The following FAM13A variants were observed in gnomAD, a reference collection of about 807,000 sequenced individuals.
The protein encoded by FAM13A is protein FAM13A.
Under a neutral mutation model 129.6 loss-of-function variants are expected in FAM13A, and 76 were observed. The observed-to-expected ratio is 0.59, with a 90% CI of 0.49 to 0.71. The LOEUF (loss-of-function observed/expected upper bound fraction) is 0.71, where lower values mean the gene tolerates loss of function less well. Ranked by LOEUF, FAM13A falls within the 30% of genes least tolerant of loss-of-function variation. FAM13A has a pLI of 0.00. For missense variants in FAM13A, 1,108 were observed against 1,249.3 expected (o/e 0.89, Z 1.70); for synonymous variants, 443 against 449.9 (o/e 0.98, Z 0.20).
chr4:88,863,670 T>C (rs1232280933), intron 6 of FAM13A, among the ~76,000 whole-genome samples: 1 of 152,222 alleles, frequency 6.6e-6, no homozygotes, highest in South Asian at 2.1e-4. Context: ...AAAACTGAGT[T>C]AAATTGTCAG....
chr4:89,005,767 T>C (rs964045064), intron 3 of FAM13A, among the ~76,000 whole-genome samples: 14 of 151,186 alleles, frequency 9.3e-5, no homozygotes, highest in African/African-American at 2.4e-4. Flanking sequence ...GGGTTGTTTT[T>C]CTTTCCTAAA....
intron 23 of FAM13A, among the ~76,000 whole-genome samples, chr4:88,731,093 A>G (rs554267346): frequency 6.6e-6 from 1 of 152,336 alleles, no homozygotes; most frequent in Non-Finnish European, 1.5e-5. Flanking sequence ...CTGAATCTGC[A>G]TTAGTCTTGG....
chr4:88,816,087 ATC>A (rs1561070008), intron 7 of FAM13A, among the ~76,000 whole-genome samples: 2 of 152,122 alleles, frequency 1.3e-5, no homozygotes, highest in Non-Finnish European at 2.9e-5. Context: ...ATAGTCTTTT[ATC>A]CTCTCTATCA....
intron 3 of FAM13A, among the ~76,000 whole-genome samples, chr4:88,996,342 A>G (rs1022310504): frequency 1.3e-5 from 2 of 152,214 alleles, no homozygotes; most frequent in African/African-American, 2.4e-5. Flanking sequence ...GAAAGCAGCA[A>G]GATTACTTAA....
chr4:88,945,944 T>C (rs942512881), intron 4 of FAM13A, among the ~76,000 whole-genome samples: 1 of 134,996 alleles, frequency 7.4e-6, no homozygotes, highest in Admixed American at 7.7e-5. Context: ...ATGCATAGTA[T>C]ATTTATACAC....
intron 9 of FAM13A, 86 bp downstream of exon 9, chr4:88,790,500 G>A (rs1019136516): frequency 3.6e-6 from 4 of 1,119,874 alleles, no homozygotes; most frequent in African/African-American, 3.2e-5. Context: ...CACCATTAGA[G>A]TTGCTTTTTT....
intron 7 of FAM13A, among the ~76,000 whole-genome samples, chr4:88,840,719 T>A (rs1735668418): frequency 1.3e-5 from 2 of 152,254 alleles, no homozygotes; most frequent in African/African-American, 4.8e-5. Context: ...TGGACTGTGC[T>A]ATTATATTTT....
chr4:88,858,051 G>T (rs983181322), intron 6 of FAM13A, among the ~76,000 whole-genome samples: 1 of 151,898 alleles, frequency 6.6e-6, no homozygotes, highest in South Asian at 2.1e-4. Flanking sequence ...AAATAGTTAC[G>T]GTACAGAGAT....
rs564445126 is a variant in FAM13A at position 88,859,986 on chromosome 4, G to C, written c.844-8803C>G. ...TATTTTCCTTATAAAAACAAATTCA[G>C]TAATTCCTTTGTTGCTTCTTTCCCC... On this transcript the variant is annotated intron_variant, in intron 6 of 23. Transcript: ENST00000264344. Among the ~76,000 whole-genome samples the C allele has an allele frequency of 5.9e-5, 9 of 152,136 alleles. No individual in the cohort carries two copies. In the South Asian group the frequency reaches 1.9e-3, roughly 31 times the overall value.
At chr4:88,880,314 A>G (rs1743302920) in intron 6 of FAM13A, among the ~76,000 whole-genome samples, 1 of 152,116 alleles carries the variant, frequency 6.6e-6, no homozygotes, top group Admixed American at 6.6e-5. Context: ...ACACACCCTC[A>G]CTGGGAAACC....
At position 88,902,626 on chromosome 4, in the gene FAM13A, T is replaced by C. The variant is rs562657391; in HGVS notation, c.843+3753A>G. Among the ~76,000 whole-genome samples the C allele has an allele frequency of 6.7e-4, 102 of 152,288 alleles. 1 individual carries two copies. Among genetic ancestry groups the C allele is most frequent in the Non-Finnish European group, 9.7e-4 (66 of 68,016 alleles). On this transcript the variant is annotated intron_variant, in intron 6 of 23. Transcript: ENST00000264344. Reference sequence around the variant, plus strand: ...ATGTACCTCAAAATAATAAGAGCCATATATGACAAACCCACAGCCAGTATC... The same window carrying C: ...ATGTACCTCAAAATAATAAGAGCCACATATGACAAACCCACAGCCAGTATC...
chr4:88,781,839 GT>G lies in FAM13A; in HGVS notation c.1272-489del, dbSNP rs1553974005. 4.0e-5 allele frequency among the ~76,000 whole-genome samples: 6 copies of G among 149,722 alleles called. 1 individual carries two copies. Among genetic ancestry groups the G allele is most frequent in the Non-Finnish European group, 8.9e-5 (6 of 67,176 alleles). On this transcript the variant is annotated intron_variant, in intron 10 of 23. Coordinates refer to ENST00000264344, the MANE Select transcript of FAM13A (RefSeq NM_014883.4). ...GGAACATCACAGTCCGGAGACTGTT[GT>G]GGGGTGGGGGGAGCGGGGAGGGATA...
At chr4:88,859,477 A>G (rs1345511491) in intron 6 of FAM13A, among the ~76,000 whole-genome samples, 1 of 152,146 alleles carries the variant, frequency 6.6e-6, no homozygotes, top group African/African-American at 2.4e-5. Context: ...TGAGTGTGGG[A>G]GCAGGTGGAT....
chr4:88,956,266 G>A (rs1757741144), intron 4 of FAM13A, among the ~76,000 whole-genome samples: 1 of 152,090 alleles, frequency 6.6e-6, no homozygotes, highest in Non-Finnish European at 1.5e-5. Context: ...CTGTACTTTT[G>A]TTAGTTTAGA....
chr4:88,908,248 A>C (rs754404238), intron 5 of FAM13A, among the ~76,000 whole-genome samples: 1 of 152,220 alleles, frequency 6.6e-6, no homozygotes, highest in Non-Finnish European at 1.5e-5. Context: ...CTTCTGACTC[A>C]CTGTGAGAGG....
chr4:88,905,887 C>G (rs922462138), intron 6 of FAM13A, among the ~76,000 whole-genome samples: 1 of 152,188 alleles, frequency 6.6e-6, no homozygotes, highest in African/African-American at 2.4e-5. Context: ...CCACCAGATC[C>G]TCCCGCAACA....
chr4:88,966,609 T>C (rs1302198389), intron 4 of FAM13A, among the ~76,000 whole-genome samples: 1 of 152,196 alleles, frequency 6.6e-6, no homozygotes, highest in Non-Finnish European at 1.5e-5. Context: ...AAGTCTAGGA[T>C]GTAGGTTCAA....
At chr4:88,740,364 A>T (rs113707388) in intron 19 of FAM13A, among the ~76,000 whole-genome samples, 3,238 of 152,316 alleles carry the variant, frequency 0.021, 103 homozygotes, top group African/African-American at 0.074. Context: ...CCTTGAGAGC[A>T]GGAGTTTATA....
At chr4:88,923,403 C>T (rs908273774) in intron 5 of FAM13A, among the ~76,000 whole-genome samples, 2 of 152,088 alleles carry the variant, frequency 1.3e-5, no homozygotes, top group Non-Finnish European at 2.9e-5. Flanking sequence ...TCAACAAACG[C>T]AAATCAATAA....
Sources: gnomAD v4.1 joint callset for allele counts (sites outside exome capture counted in the v4.1 genomes callset) on GRCh38, gnomAD v4.1.1 for gene constraint, MANE v1.5 for transcripts, NCBI Gene and HGNC (gene_info 2026-07-23, HGNC 2026-07-21) for gene names.